IFT80: variants seen among roughly 807,000 people sequenced by gnomAD.
The protein encoded by IFT80 is intraflagellar transport protein 80 homolog.
In IFT80, 79 loss-of-function variants were observed where a neutral mutation model predicts 107.9. The ratio of observed to expected loss-of-function variants is 0.73; its 90% CI spans 0.61 to 0.88. IFT80 has a LOEUF of 0.88. Ranked by LOEUF, IFT80 falls within the 40% of genes least tolerant of loss-of-function variation. IFT80 has a pLI of 0.00. For synonymous variants in IFT80, 299 were observed against 300.9 expected, an observed-to-expected ratio of 0.99 and a Z score of 0.07; for missense variants, 797 against 914.2, an observed-to-expected ratio of 0.87 and a Z score of 1.65.
intron 5 of IFT80, among the ~76,000 whole-genome samples, chr3:160,370,631 T>G (rs1722170381): frequency 6.6e-6 from 1 of 152,158 alleles, no homozygotes; most frequent in Non-Finnish European, 1.5e-5. Context: ...AGCTTCACCT[T>G]TCACTTAATG....
chr3:160,280,879 T>A, intron 14 of IFT80, 65 bp from the exon 15 acceptor site: 1 of 1,399,822 alleles, frequency 7.1e-7, no homozygotes, highest in Non-Finnish European at 9.9e-7. Context: ...AATAGATCTT[T>A]AAAATGCCTG....
intron 8 of IFT80, among the ~76,000 whole-genome samples, chr3:160,326,877 A>G (rs1237230778): frequency 6.6e-6 from 1 of 152,126 alleles, no homozygotes; most frequent in East Asian, 1.9e-4. Context: ...AGGAAGTCAC[A>G]CTATCCCTGT....
Position 160,282,540 on chromosome 3 carries a change from T to C in IFT80, c.1454A>G (p.Asn485Ser), listed in dbSNP as rs1157810023. The C allele has an allele frequency of 1.3e-6, 2 of 1,594,392 alleles. No homozygotes were observed. Among genetic ancestry groups the C allele is most frequent in the Non-Finnish European group, 1.7e-6 (2 of 1,166,190 alleles). The change falls in exon 14 of 20, where the codon AAT becomes AGT. Residue 485 changes from asparagine (N) to serine (S), a missense_variant. Transcript: ENST00000326448. ...CACAGAAGTGATACAGAGATCTCTA[T>C]TTTTATCAATGAAAGCAATTTTTCT... ...NDRKIAFIDK[N>S]RDLCITSVKR...
chr3:160,346,976 C>T (rs1029201898), intron 8 of IFT80, among the ~76,000 whole-genome samples: 7 of 152,148 alleles, frequency 4.6e-5, no homozygotes, highest in African/African-American at 1.4e-4. Context: ...CTCCAAAGCC[C>T]TTATTCGTTG....
chr3:160,393,891 A>G (rs1713567873), intron 1 of IFT80, among the ~76,000 whole-genome samples: 1 of 152,168 alleles, frequency 6.6e-6, no homozygotes, highest in Non-Finnish European at 1.5e-5. Flanking sequence ...ATTTATACCG[A>G]GTTTTCTTTG....
intron 11 of IFT80, 79 bp downstream of exon 11, chr3:160,303,836 A>T: frequency 1.1e-6 from 1 of 883,220 alleles, no homozygotes; most frequent in Non-Finnish European, 1.9e-6. Context: ...CCATTCTTTT[A>T]ATTGGATGTT....
chr3:160,277,324 T>C lies in IFT80; in HGVS notation c.2081A>G (p.Asn694Ser). 1 of 1,612,784 alleles carries C rather than the reference T, an allele frequency of 6.2e-7. No homozygotes were observed. Among genetic ancestry groups the C allele is most frequent in the African/African-American group, 1.3e-5 (1 of 74,986 alleles). The change falls in exon 18 of 20, where the codon AAT (asparagine) becomes AGT (serine). Residue 694 changes from asparagine (N) to serine (S), a missense_variant. Asn to Ser is a conservative substitution (Grantham distance 46). Coordinates refer to ENST00000326448, the MANE Select transcript of IFT80 (RefSeq NM_020800.3). ...LVYQAIQINI[N>S]LYNWERALEL... is the part of the protein sequence containing the mutation. Reference sequence around the variant, plus strand: ...TTATTACCTTTCCCAGTTGTAGAGATTAATATTGATCTGGATTGCTTGATA... The same window carrying C: ...TTATTACCTTTCCCAGTTGTAGAGACTAATATTGATCTGGATTGCTTGATA...
intron 1 of IFT80, among the ~76,000 whole-genome samples, chr3:160,386,930 C>T (rs1217851492): frequency 6.6e-6 from 1 of 152,066 alleles, no homozygotes; most frequent in Non-Finnish European, 1.5e-5. Flanking sequence ...TCTGAATGAA[C>T]CAAGAAGCCA....
At chr3:160,320,092 A>G (rs1295544861) in intron 8 of IFT80, 153 bp from the exon 9 acceptor site, 4 of 625,094 alleles carry the variant, frequency 6.4e-6, no homozygotes, top group Non-Finnish European at 1.1e-5. Context: ...AGTGTACTGA[A>G]TGGAAAATAC....
At chr3:160,338,740 TG>T (rs1368516194) in intron 8 of IFT80, among the ~76,000 whole-genome samples, 1 of 152,172 alleles carries the variant, frequency 6.6e-6, no homozygotes, top group Non-Finnish European at 1.5e-5. Context: ...TGGACCTTAC[TG>T]ACCACTGATC....
At chr3:160,265,340 GT>G (rs1002749274) in intron 19 of IFT80, among the ~76,000 whole-genome samples, 5 of 152,150 alleles carry the variant, frequency 3.3e-5, no homozygotes, top group African/African-American at 1.2e-4. Context: ...GCCTAAAGTG[GT>G]TTGTCCTAAG....
chr3:160,354,094 C>T (rs1041083470), intron 8 of IFT80, among the ~76,000 whole-genome samples: 2 of 151,930 alleles, frequency 1.3e-5, no homozygotes, highest in Non-Finnish European at 2.9e-5. Flanking sequence ...AAATAATATA[C>T]ATGAAACTAA....
At chr3:160,305,791 C>T (rs1021099257) in intron 10 of IFT80, among the ~76,000 whole-genome samples, 1 of 151,944 alleles carries the variant, frequency 6.6e-6, no homozygotes, top group Non-Finnish European at 1.5e-5. Context: ...ATTTTTATTA[C>T]TAAAAAATAG....
intron 8 of IFT80, among the ~76,000 whole-genome samples, chr3:160,338,135 C>A (rs542666270): frequency 6.6e-6 from 1 of 152,142 alleles, no homozygotes; most frequent in African/African-American, 2.4e-5. Context: ...CCCAGAAAAC[C>A]AAAAACAATT....
At chr3:160,359,078 T>A (rs540881540) in intron 6 of IFT80, among the ~76,000 whole-genome samples, 7 of 152,210 alleles carry the variant, frequency 4.6e-5, no homozygotes, top group Non-Finnish European at 1.0e-4. Context: ...TAAGCACACT[T>A]TTTTGTGGAC....
chr3:160,338,920 G>A (rs1719686671), intron 8 of IFT80, among the ~76,000 whole-genome samples: 1 of 151,950 alleles, frequency 6.6e-6, no homozygotes, highest in African/African-American at 2.4e-5. Flanking sequence ...TTTATTGCTG[G>A]GATAAACCAC....
chr3:160,315,857 T>C (rs1717779295), intron 9 of IFT80, among the ~76,000 whole-genome samples: 1 of 152,108 alleles, frequency 6.6e-6, no homozygotes, highest in Admixed American at 6.6e-5. Flanking sequence ...GATGGGTTTG[T>C]TTTCAATCAC....
chr3:160,355,950 T>C (rs1401679351), intron 8 of IFT80, 63 bp downstream of exon 8: 4 of 1,560,788 alleles, frequency 2.6e-6, no homozygotes, highest in South Asian at 2.2e-5. Context: ...CTGAGAACCA[T>C]GTGTGTTGTG....
At chr3:160,288,211 T>C (rs1466068546) in intron 12 of IFT80, among the ~76,000 whole-genome samples, 3 of 152,146 alleles carry the variant, frequency 2.0e-5, no homozygotes, top group African/African-American at 7.2e-5. Flanking sequence ...CCTGCGCCTG[T>C]AGTCCCAGCT....
Sources: gnomAD v4.1 joint callset for allele counts (sites outside exome capture counted in the v4.1 genomes callset) on GRCh38, gnomAD v4.1.1 for gene constraint, MANE v1.5 for transcripts, NCBI Gene and HGNC (gene_info 2026-07-23, HGNC 2026-07-21) for gene names.